The following FGF13 variants were observed in gnomAD, a reference collection of about 807,000 sequenced individuals.
The protein encoded by FGF13 is fibroblast growth factor 13, also known as fibroblast growth factor homologous factor 2.
Under a neutral mutation model 19.5 loss-of-function variants are expected in FGF13, and 2 were observed. The ratio of observed to expected loss-of-function variants is 0.10; its 90% CI spans 0.04 to 0.32. FGF13 has a LOEUF of 0.32. FGF13 is among the 10% of genes least tolerant of loss of function. The pLI, the probability that FGF13 is intolerant of heterozygous loss-of-function variation, is 1.00. For synonymous variants in FGF13, 72 were observed against 76.9 expected (o/e 0.94, Z 0.33); for missense variants, 113 against 192.7 (o/e 0.59, Z 2.45).
intron 1 of FGF13, among the ~76,000 whole-genome samples, chrX:139,014,868 C>G (rs1332884810): frequency 9.0e-6 from 1 of 111,287 alleles, no homozygotes; most frequent in African/African-American, 3.3e-5. Context: ...GATCATTCAT[C>G]ATGACCAACT....
At chrX:139,001,494 AAAAC>A (rs1025455361) in intron 1 of FGF13, among the ~76,000 whole-genome samples, 4 of 111,657 alleles carry the variant, frequency 3.6e-5, no homozygotes, top group Non-Finnish European at 7.5e-5. Flanking sequence ...TTACAAGAAA[AAAAC>A]AAACAACCCC....
intron 3 of FGF13, among the ~76,000 whole-genome samples, chrX:138,694,098 A>T (rs1259063424): frequency 8.9e-6 from 1 of 112,095 alleles, no homozygotes; most frequent in Non-Finnish European, 1.9e-5. Flanking sequence ...GTATTAGAAT[A>T]AGAGCTAAAG....
In FGF13 at chrX:138,773,342, C is replaced by T. The variant is rs375073350; in HGVS notation, c.218-64414G>A. Among the ~76,000 whole-genome samples the T allele has an allele frequency of 3.6e-5, 4 of 112,030 alleles. No homozygotes were observed. In the East Asian group the frequency reaches 8.5e-4, roughly 24 times the overall value. The stretch of plus-strand genomic sequence containing the variant: ...AAAAATGCTGATCTCACTGGGTCCT[C>T]AGAGGACAAAGGAGCAAAGGTGGAC... On this transcript the variant is annotated intron_variant, in intron 3 of 6. Coordinates refer to the FGF13 transcript ENST00000436198.
intron 1 of FGF13, among the ~76,000 whole-genome samples, chrX:138,959,877 G>C (rs2091860615): frequency 9.0e-6 from 1 of 111,392 alleles, no homozygotes; most frequent in African/African-American, 3.3e-5. Context: ...TTGCTTGGTA[G>C]ATCTTCCTCC....
rs1204743664 is a variant in FGF13, at chrX:139,124,174, TC to T, written c.-113+79241del. ...CCTTGCATGAAATGTAGTGCCCTCG[TC>T]CCTGGGATGTGAGTATATGTGGCTA... is the stretch of plus-strand genomic sequence containing the variant. On this transcript the variant is annotated intron_variant, in intron 1 of 2. Transcript: ENST00000421460. 2.7e-5 allele frequency among the ~76,000 whole-genome samples: 3 copies of T among 112,431 alleles called. No individual in the cohort carries two copies. In the East Asian group the frequency reaches 8.4e-4, roughly 32 times the overall value.
Position 139,129,855 on chromosome X carries a change from G to T in FGF13, c.-113+73561C>A, listed in dbSNP as rs2083748063. Among the ~76,000 whole-genome samples the T allele has an allele frequency of 2.7e-5, 3 of 111,549 alleles. No individual in the cohort carries two copies. In the Admixed American group the frequency reaches 2.9e-4, roughly 11 times the overall value. On this transcript the variant is annotated intron_variant, in intron 1 of 2. Coordinates refer to the FGF13 transcript ENST00000421460. ...CACTCCTGCCTTATTTGTTTAAAAT[G>T]AGGGCAAGTCCCTGATGTTCCACCT...
At chrX:138,690,101 T>TGA (rs1375720517) in intron 3 of FGF13, among the ~76,000 whole-genome samples, 1 of 111,665 alleles carries the variant, frequency 9.0e-6, no homozygotes, top group Non-Finnish European at 1.9e-5. Context: ...ATGTGTTTTG[T>TGA]ATCCACTTAT....
Position 138,624,303 on chromosome X carries a change from C to G in FGF13, c.*8547G>C, listed in dbSNP as rs767605430. On this transcript the variant is annotated 3_prime_UTR_variant, in exon 5 of 5. Coordinates refer to ENST00000315930, the MANE Select transcript of FGF13 (RefSeq NM_004114.5). ...ATGATCAACAAATCTTCAACAAAGG[C>G]ACTAAAAACACATCATGGGGAAATA... The G allele has an allele frequency of 9.0e-6, 1 of 111,589 alleles. No homozygotes were observed. The highest frequency in any genetic ancestry group is 3.3e-5 in the African/African-American group (1 of 30,747). 9.2% of individuals were successfully genotyped at this position (111,589 alleles called of 1,213,427 possible).
intron 3 of FGF13, among the ~76,000 whole-genome samples, chrX:138,666,724 A>G (rs770578704): frequency 9.0e-6 from 1 of 111,405 alleles, no homozygotes; most frequent in South Asian, 3.7e-4. Context: ...ATATAGGTCT[A>G]TTTCAATTAT....
chrX:139,181,564 A>G (rs899475066), intron 1 of FGF13, among the ~76,000 whole-genome samples: 1 of 112,489 alleles, frequency 8.9e-6, no homozygotes, highest in African/African-American at 3.2e-5. Flanking sequence ...AATGAACACA[A>G]GGAAGGGCAA....
chrX:138,887,449 T>G (rs1161904026), intron 1 of FGF13, among the ~76,000 whole-genome samples: 2 of 111,612 alleles, frequency 1.8e-5, no homozygotes, highest in Non-Finnish European at 3.8e-5. Flanking sequence ...TGGATGTAAC[T>G]AACCAGGCCT....
intron 1 of FGF13, among the ~76,000 whole-genome samples, chrX:139,062,965 A>G (rs996770254): frequency 8.9e-6 from 1 of 112,187 alleles, no homozygotes; most frequent in Non-Finnish European, 1.9e-5. Context: ...ATATTCTCTA[A>G]GTTCTTCTCA....
chrX:138,875,829 G>T (rs191705934), intron 1 of FGF13, among the ~76,000 whole-genome samples: 1 of 111,685 alleles, frequency 9.0e-6, no homozygotes, highest in African/African-American at 3.3e-5. Flanking sequence ...CAATGGACTA[G>T]AATTACATCA....
At chrX:138,919,887 A>G (rs2091636017) in intron 1 of FGF13, among the ~76,000 whole-genome samples, 1 of 111,319 alleles carries the variant, frequency 9.0e-6, no homozygotes, top group Admixed American at 9.6e-5. Context: ...GGAAAGCTCT[A>G]AAGATTTTAC....
At chrX:139,102,746 G>A (rs1188472256) in intron 1 of FGF13, among the ~76,000 whole-genome samples, 1 of 112,452 alleles carries the variant, frequency 8.9e-6, no homozygotes, top group Non-Finnish European at 1.9e-5. Context: ...CATGCTGACG[G>A]CCAAATGGGC....
intron 3 of FGF13, among the ~76,000 whole-genome samples, chrX:138,764,047 C>T (rs1281809138): frequency 2.7e-5 from 3 of 111,478 alleles, no homozygotes; most frequent in Non-Finnish European, 5.6e-5. Context: ...CTTTACTTCC[C>T]CCTGCATGAG....
At chrX:138,738,189 A>G (rs2090293910) in intron 1 of FGF13, among the ~76,000 whole-genome samples, 1 of 112,022 alleles carries the variant, frequency 8.9e-6, no homozygotes, top group African/African-American at 3.2e-5. Context: ...ATGAATAAAC[A>G]CATGCTACTC....
Position 138,849,028 on chromosome X carries a change from G to A in FGF13, c.217+8484C>T, listed in dbSNP as rs186812938. On this transcript the variant is annotated intron_variant, in intron 3 of 6. Coordinates refer to the FGF13 transcript ENST00000436198. ...AACATTTGAGTAGCCTTTCTCTAAC[G>A]ATAGTAGGTGGGAATCGAGAGGAAG... 5.4e-5 allele frequency among the ~76,000 whole-genome samples: 6 copies of A among 111,607 alleles called. No homozygotes were observed. The East Asian group carries it at 1.7e-3, about 32-fold the overall frequency.
intron 1 of FGF13, among the ~76,000 whole-genome samples, chrX:139,085,324 T>G (rs775838280): frequency 1.8e-5 from 2 of 112,093 alleles, no homozygotes; most frequent in East Asian, 5.6e-4. Context: ...ACATAATGTC[T>G]CTGAGCCTCC....
Sources: gnomAD v4.1 joint callset for allele counts (sites outside exome capture counted in the v4.1 genomes callset) on GRCh38, gnomAD v4.1.1 for gene constraint, MANE v1.5 for transcripts, NCBI Gene and HGNC (gene_info 2026-07-23, HGNC 2026-07-21) for gene names.